The following THSD7B variants were observed in gnomAD, a reference collection of about 807,000 sequenced individuals.
The protein encoded by THSD7B is thrombospondin type 1 domain containing 7B.
Under a neutral mutation model 213.6 loss-of-function variants are expected in THSD7B, and 138 were observed. The ratio of observed to expected loss-of-function variants is 0.65; its 90% CI spans 0.56 to 0.74. THSD7B has a LOEUF of 0.74. Among genes scored for constraint, THSD7B ranks in the 30% least tolerant of loss-of-function variants. THSD7B has a pLI of 0.00. For synonymous variants in THSD7B, 742 were observed against 687.0 expected (o/e 1.08, Z -1.25); for missense variants, 1,931 against 1,991.5 (o/e 0.97, Z 0.58).
At position 136,956,819 on chromosome 2, in the gene THSD7B, A is replaced by G. The variant is rs559315292; in HGVS notation, c.139+74502A>G. Among the ~76,000 whole-genome samples, 15 of 151,926 alleles carry G rather than the reference A, an allele frequency of 9.9e-5. 1 individual carries two copies. In the South Asian group the frequency reaches 3.1e-3, roughly 32 times the overall value. On this transcript the variant is annotated intron_variant, in intron 2 of 27. Transcript: ENST00000409968. ...CTCAGCCTCCTGAGTAGCTGGGATT[A>G]TAGGCGCAAACCACCGTGTCTAGCT...
At chr2:136,795,720 T>C (rs992996148) in intron 1 of THSD7B, among the ~76,000 whole-genome samples, 19 of 152,128 alleles carry the variant, frequency 1.2e-4, no homozygotes, top group Non-Finnish European at 2.8e-4. Flanking sequence ...CATTTTTTAC[T>C]TACTCTCACT....
At chr2:137,486,061 T>C (rs1027743393) in intron 15 of THSD7B, among the ~76,000 whole-genome samples, 2 of 152,162 alleles carry the variant, frequency 1.3e-5, no homozygotes, top group Non-Finnish European at 2.9e-5. Flanking sequence ...GTAAAGACCA[T>C]GAAGGCTAGG....
intron 15 of THSD7B, among the ~76,000 whole-genome samples, chr2:137,487,164 T>G (rs7563180): frequency 6.8e-6 from 1 of 147,884 alleles, no homozygotes; most frequent in Non-Finnish European, 1.5e-5. Flanking sequence ...GTCAGGAGAT[T>G]GAGACCATCC....
intron 1 of THSD7B, among the ~76,000 whole-genome samples, chr2:136,857,884 T>C (rs551126419): frequency 1.6e-4 from 25 of 152,378 alleles, no homozygotes; most frequent in Non-Finnish European, 1.5e-5. Flanking sequence ...ATCAGCAGTT[T>C]AAACCCATTC....
Position 136,882,153 on chromosome 2 carries a change from A to G in THSD7B, c.-26A>G. ...TCTTTTTCTCTTTTAGGAATAGGCA[A>G]GTCAAGAGGCTGAAAAATCTGAAGC... is the stretch of plus-strand genomic sequence containing the variant. On this transcript the variant is annotated 5_prime_UTR_variant, in exon 2 of 28. Transcript: ENST00000409968. 4.7e-6 allele frequency: 7 copies of G among 1,494,528 alleles called. No individual in the cohort carries two copies. Among genetic ancestry groups the G allele is most frequent in the Non-Finnish European group, 6.2e-6 (7 of 1,121,918 alleles). The allele number at this position is 1,494,528 out of a possible 1,614,324, so 92.6% of individuals were successfully genotyped here.
rs1323174908 is a variant in THSD7B at position 137,478,210 on chromosome 2, A to G, written c.3138+27187A>G. Among the ~76,000 whole-genome samples, 4 of 152,260 alleles carry G rather than the reference A, an allele frequency of 2.6e-5. No homozygotes were observed. In the East Asian group the frequency reaches 7.7e-4, roughly 29 times the overall value. Reference sequence around the variant, plus strand: ...CCCTTTTGTTTACTTTTCATTTGCTAAAACACCAAAAATTCACTCTGTGGT... The same window carrying G: ...CCCTTTTGTTTACTTTTCATTTGCTGAAACACCAAAAATTCACTCTGTGGT... On this transcript the variant is annotated intron_variant, in intron 15 of 27. Transcript: ENST00000409968.
chr2:137,642,596 G>T lies in THSD7B; in HGVS notation c.3908G>T (p.Ser1303Ile). The T allele has an allele frequency of 6.2e-7, 1 of 1,613,930 alleles. No individual in the cohort carries two copies. The highest frequency in any genetic ancestry group is 8.5e-7 in the Non-Finnish European group (1 of 1,179,864). ...ACCTGCCCAGTGACCCCCTGCTACA[G>T]CTGGGTCCTTGGCAACTGGTCTGCA... ...EKTCPVTPCY[S>I]WVLGNWSACK... is the part of the protein sequence containing the mutation. Residue 1303 changes from serine (S) to isoleucine (I), a missense_variant, in exon 21 of 28, where the codon AGC becomes ATC. Ser to Ile is a moderately radical substitution (Grantham distance 142). Transcript: ENST00000409968.
At chr2:136,773,082 G>A (rs1260755418) in intron 1 of THSD7B, among the ~76,000 whole-genome samples, 1 of 152,016 alleles carries the variant, frequency 6.6e-6, no homozygotes, top group Non-Finnish European at 1.5e-5. Flanking sequence ...CTAAAAGTGT[G>A]ATCGGCTGTC....
chr2:137,150,793 C>T (rs749266438), intron 5 of THSD7B, among the ~76,000 whole-genome samples: 10 of 152,100 alleles, frequency 6.6e-5, no homozygotes, highest in Non-Finnish European at 1.3e-4. Flanking sequence ...ATAGTCCACT[C>T]ACAACTAGGC....
At chr2:137,091,350 A>G (rs1687945194) in intron 3 of THSD7B, among the ~76,000 whole-genome samples, 1 of 152,200 alleles carries the variant, frequency 6.6e-6, no homozygotes, top group Non-Finnish European at 1.5e-5. Flanking sequence ...TTCTTTATGA[A>G]GGGAAAAATG....
chr2:137,619,131 C>T (rs2104841133), intron 19 of THSD7B, among the ~76,000 whole-genome samples: 1 of 152,144 alleles, frequency 6.6e-6, no homozygotes, highest in African/African-American at 2.4e-5. Context: ...CATTTTCTTG[C>T]CAACATATAA....
intron 15 of THSD7B, among the ~76,000 whole-genome samples, chr2:137,480,609 A>G (rs1021592327): frequency 3.3e-5 from 5 of 152,192 alleles, no homozygotes; most frequent in African/African-American, 1.2e-4. Flanking sequence ...CTTTATTGAG[A>G]AAAGATGAGA....
chr2:137,569,393 G>T (rs1345922923), intron 16 of THSD7B, among the ~76,000 whole-genome samples: 3 of 152,046 alleles, frequency 2.0e-5, no homozygotes, highest in Non-Finnish European at 4.4e-5. Context: ...TCCCCATTAA[G>T]TGCACCAGCT....
At chr2:137,079,182 C>G (rs1278776817) in intron 3 of THSD7B, among the ~76,000 whole-genome samples, 2 of 151,980 alleles carry the variant, frequency 1.3e-5, no homozygotes, top group Non-Finnish European at 2.9e-5. Flanking sequence ...TGCAAATTTT[C>G]TATGTACATT....
At chr2:137,316,267 G>T (rs2104871568) in intron 12 of THSD7B, among the ~76,000 whole-genome samples, 1 of 152,348 alleles carries the variant, frequency 6.6e-6, no homozygotes, top group Admixed American at 6.5e-5. Context: ...TGTAGAACTT[G>T]GTGAAGGTTA....
chr2:137,133,703 A>T (rs1020735879), intron 5 of THSD7B, among the ~76,000 whole-genome samples: 40 of 152,236 alleles, frequency 2.6e-4, no homozygotes, highest in African/African-American at 9.4e-4. Flanking sequence ...AAAAATGCAT[A>T]AAGAAGATAA....
intron 12 of THSD7B, among the ~76,000 whole-genome samples, chr2:137,385,604 A>G (rs1229787523): frequency 6.6e-6 from 1 of 152,154 alleles, no homozygotes; most frequent in East Asian, 1.9e-4. Context: ...GTCTATGTGT[A>G]TATCTTAGGC....
rs1308253494 is a variant in THSD7B, at chr2:137,563,261, A to C, written c.3179A>C (p.Tyr1060Ser). 6.2e-7 allele frequency: 1 copy of C among 1,613,360 alleles called. No individual in the cohort carries two copies. Among genetic ancestry groups the C allele is most frequent in the African/African-American group, 1.3e-5 (1 of 74,886 alleles). Residue 1060 changes from tyrosine to serine, a missense_variant, in exon 16 of 28, where the codon TAT becomes TCT. Transcript: ENST00000409968. Reference sequence around the variant, plus strand: ...CCATGTTACAGTGAGTGCAATCAGTATTCCTGGGTTGTAGAACACTGGTCT... The same window carrying C: ...CCATGTTACAGTGAGTGCAATCAGTCTTCCTGGGTTGTAGAACACTGGTCT... ...AVPCYSECNQ[Y>S]SWVVEHWSSC...
At chr2:137,400,112 T>A (rs903459282) in intron 12 of THSD7B, among the ~76,000 whole-genome samples, 1 of 152,170 alleles carries the variant, frequency 6.6e-6, no homozygotes, top group South Asian at 2.1e-4. Context: ...TTTCTAATTT[T>A]TTTGTCTTAG....
Sources: gnomAD v4.1 joint callset for allele counts (sites outside exome capture counted in the v4.1 genomes callset) on GRCh38, gnomAD v4.1.1 for gene constraint, MANE v1.5 for transcripts, NCBI Gene and HGNC (gene_info 2026-07-23, HGNC 2026-07-21) for gene names.